The following PPP1R7 variants were observed in gnomAD, a reference collection of about 807,000 sequenced individuals.
PPP1R7 encodes protein phosphatase 1 regulatory subunit 7, also known as protein phosphatase 1 regulatory subunit 22.
A neutral mutation model predicts 45.2 loss-of-function variants in PPP1R7; 18 were observed. The ratio of observed to expected loss-of-function variants is 0.40; its 90% CI spans 0.28 to 0.59. The LOEUF is 0.59. Among genes scored for constraint, PPP1R7 ranks in the 20% least tolerant of loss-of-function variants. PPP1R7 has a pLI of 0.46. For missense variants in PPP1R7, 314 were observed against 455.8 expected, an observed-to-expected ratio of 0.69 and a Z score of 2.83; for synonymous variants, 181 against 183.4, an observed-to-expected ratio of 0.99 and a Z score of 0.11.
At chr2:241,157,139 G>A (rs952479083) in intron 2 of PPP1R7, among the ~76,000 whole-genome samples, 2 of 152,178 alleles carry the variant, frequency 1.3e-5, no homozygotes, top group South Asian at 2.1e-4. Flanking sequence ...GAGAGTCCTC[G>A]TGAAATCCAA....
intron 9 of PPP1R7, among the ~76,000 whole-genome samples, chr2:241,174,822 C>A (rs13035056): frequency 0.11 from 16,190 of 151,850 alleles, 1,119 homozygotes; most frequent in African/African-American, 0.19. Flanking sequence ...CTACCGGTGC[C>A]CGCCACCACG....
chr2:241,152,396 G>A (rs2067344017), intron 1 of PPP1R7, among the ~76,000 whole-genome samples: 2 of 152,238 alleles, frequency 1.3e-5, no homozygotes, highest in South Asian at 4.1e-4. Context: ...GGGAGAATAG[G>A]TTAAGCAGGG....
At chr2:241,173,583 C>T (rs974670838) in intron 9 of PPP1R7, among the ~76,000 whole-genome samples, 4 of 152,174 alleles carry the variant, frequency 2.6e-5, no homozygotes, top group African/African-American at 7.2e-5. Flanking sequence ...TTAACTGGGT[C>T]TGTGAATCTA....
chr2:241,172,019 C>T (rs2067824956), intron 9 of PPP1R7, among the ~76,000 whole-genome samples: 2 of 152,178 alleles, frequency 1.3e-5, no homozygotes, highest in Non-Finnish European at 1.5e-5. Flanking sequence ...TGTCTTTAGA[C>T]TGCTTACATT....
intron 9 of PPP1R7, among the ~76,000 whole-genome samples, chr2:241,175,538 C>T (rs908737937): frequency 7.2e-5 from 11 of 152,264 alleles, no homozygotes; most frequent in Non-Finnish European, 1.3e-4. Context: ...AATAATATTC[C>T]GCAGTATGGA....
chr2:241,172,769 T>G (rs1194904920), intron 9 of PPP1R7, among the ~76,000 whole-genome samples: 1 of 152,222 alleles, frequency 6.6e-6, no homozygotes. Flanking sequence ...AAGAATTCTA[T>G]TGTTTTGTCG....
In PPP1R7 at chr2:241,159,360, A is replaced by G. The variant is rs546693629; in HGVS notation, c.434+17A>G. ...AGAGCTGGAGTGAGTCATGAGACCC[A>G]CAGGAGAACAGCATGGTGGGAAGGC... is the stretch of plus-strand genomic sequence containing the variant. On this transcript the variant is annotated intron_variant, in intron 5 of 9. Coordinates refer to ENST00000234038, the MANE Select transcript of PPP1R7 (RefSeq NM_002712.3). The G allele has an allele frequency of 1.1e-4, 173 of 1,610,440 alleles. 3 individuals are homozygous for G. The South Asian group carries it at 1.8e-3, about 17-fold the overall frequency.
At chr2:241,160,282 C>T (rs1302714192) in intron 5 of PPP1R7, 50 bp from the exon 6 acceptor site, 1 of 1,480,898 alleles carries the variant, frequency 6.8e-7, no homozygotes, top group Non-Finnish European at 9.1e-7. Flanking sequence ...GAGTTCTATG[C>T]AACCTATGCT....
intron 2 of PPP1R7, among the ~76,000 whole-genome samples, 182 bp downstream of exon 2, chr2:241,153,786 A>C (rs2067377562): frequency 6.6e-6 from 1 of 152,010 alleles, no homozygotes. Flanking sequence ...CAGCAGGCTG[A>C]CTCATTGATG....
chr2:241,170,180 A>T (rs1427765581), intron 9 of PPP1R7, among the ~76,000 whole-genome samples: 1 of 152,272 alleles, frequency 6.6e-6, no homozygotes, highest in Non-Finnish European at 1.5e-5. Flanking sequence ...GTACACACAA[A>T]GGTTGGAGAA....
At chr2:241,162,683 C>CA (rs2067620742) in intron 6 of PPP1R7, among the ~76,000 whole-genome samples, 1 of 134,426 alleles carries the variant, frequency 7.4e-6, no homozygotes, top group African/African-American at 2.8e-5. Context: ...CTTGGGAGGA[C>CA]TTTTTTTTTT....
chr2:241,150,487 G>A lies in PPP1R7; in HGVS notation c.-9G>A. Reference sequence around the variant, plus strand: ...GCGACAGATTCCGGAAAGGGGAAGAGCAGCCAACATGGCGGCGGAACGCGG... The same window carrying A: ...GCGACAGATTCCGGAAAGGGGAAGAACAGCCAACATGGCGGCGGAACGCGG... On this transcript the variant is annotated 5_prime_UTR_variant, in exon 1 of 10. Coordinates refer to ENST00000234038, the MANE Select transcript of PPP1R7 (RefSeq NM_002712.3). The A allele has an allele frequency of 6.3e-7, 1 of 1,596,994 alleles. No homozygotes were observed. The highest frequency in any genetic ancestry group is 8.5e-7 in the Non-Finnish European group (1 of 1,172,996).
chr2:241,160,535 C>A (rs747477931), intron 6 of PPP1R7, 41 bp downstream of exon 6: 3 of 1,519,058 alleles, frequency 2.0e-6, no homozygotes, highest in Non-Finnish European at 2.6e-6. Context: ...CAGGGAGAGG[C>A]AGCTAGCGGG....
intron 1 of PPP1R7, 79 bp downstream of exon 1, chr2:241,150,626 G>A (rs2067246093): frequency 7.0e-7 from 1 of 1,437,340 alleles, no homozygotes; most frequent in African/African-American, 1.5e-5. Context: ...CCGTGCCTGA[G>A]AGAAACTCCA....
chr2:241,151,512 G>C (rs1371431984), intron 1 of PPP1R7: 3 of 471,238 alleles, frequency 6.4e-6, no homozygotes, highest in Non-Finnish European at 1.3e-5. Context: ...TGAGGGAAAA[G>C]AGCAAGAATC....
At chr2:241,166,490 G>A in intron 8 of PPP1R7, 49 bp downstream of exon 8, 1 of 1,548,574 alleles carries the variant, frequency 6.5e-7, no homozygotes, top group South Asian at 1.1e-5. Context: ...TGGGCACCAG[G>A]CGGGCAGGCA....
rs569095824 is a variant in PPP1R7, at chr2:241,152,871, T to C, written c.53-605T>C. 1.6e-4 allele frequency among the ~76,000 whole-genome samples: 24 copies of C among 152,324 alleles called. No homozygotes were observed. The East Asian group carries it at 4.6e-3, about 29-fold the overall frequency. ...TTATGAACCTTTAAAAGCCTTAAGT[T>C]GCTAACACTCTGTCCAGTGTCCAGT... On this transcript the variant is annotated intron_variant, in intron 1 of 9. Coordinates refer to ENST00000234038, the MANE Select transcript of PPP1R7 (RefSeq NM_002712.3).
intron 5 of PPP1R7, among the ~76,000 whole-genome samples, chr2:241,160,072 C>T (rs1470080074): frequency 6.6e-6 from 1 of 152,122 alleles, no homozygotes; most frequent in South Asian, 2.1e-4. Flanking sequence ...GCCTCAAATA[C>T]CATACTGGGA....
At chr2:241,157,981 G>C in intron 3 of PPP1R7, 119 bp downstream of exon 3, 1 of 981,548 alleles carries the variant, frequency 1.0e-6, no homozygotes, top group Non-Finnish European at 1.6e-6. Flanking sequence ...CCTTGGTTGA[G>C]TCAGAGTCCC....
Sources: gnomAD v4.1 joint callset for allele counts (sites outside exome capture counted in the v4.1 genomes callset) on GRCh38, gnomAD v4.1.1 for gene constraint, MANE v1.5 for transcripts, NCBI Gene and HGNC (gene_info 2026-07-23, HGNC 2026-07-21) for gene names.